Variants in TXNDC16 observed in about 807,000 individuals in gnomAD.
TXNDC16 encodes thioredoxin domain-containing protein 16.
Under a neutral mutation model 85.6 loss-of-function variants are expected in TXNDC16, and 74 were observed. The ratio of observed to expected loss-of-function variants is 0.86; its 90% confidence interval spans 0.72 to 1.05. The LOEUF is 1.05. Ranked by LOEUF, TXNDC16 falls within the 50% of genes least tolerant of loss-of-function variation. TXNDC16 has a pLI of 0.00. For synonymous variants in TXNDC16, 335 were observed against 326.5 expected (o/e 1.03, Z -0.28); for missense variants, 959 against 947.0 (o/e 1.01, Z -0.17).
intron 1 of TXNDC16, among the ~76,000 whole-genome samples, chr14:52,551,978 T>C (rs932044621): frequency 9.9e-5 from 15 of 152,172 alleles, no homozygotes; most frequent in African/African-American, 3.4e-4. Context: ...CGCTTCAACA[T>C]CCATCTGATA....
chr14:52,522,480 C>CT (rs760255744), intron 6 of TXNDC16, among the ~76,000 whole-genome samples: 17 of 152,232 alleles, frequency 1.1e-4, no homozygotes, highest in Admixed American at 3.3e-4. Flanking sequence ...CAAAGAATCA[C>CT]TTGCCTGAGA....
Position 52,439,221 on chromosome 14 carries a change from C to A in TXNDC16, c.2177G>T (p.Gly726Val), listed in dbSNP as rs767715971. 11 of 1,613,894 alleles carry A rather than the reference C, an allele frequency of 6.8e-6. No individual in the cohort carries two copies. In the South Asian group the frequency reaches 1.2e-4, roughly 18 times the overall value. The change falls in exon 20 of 21, where the codon GGA (glycine) becomes GTA (valine). Residue 726 changes from glycine to valine, a missense_variant. By Grantham distance (109) the Gly-to-Val change is moderately radical. Transcript: ENST00000281741. ...AAACTTACTGATATGATTTTCTAGT[C>A]CTGCTTCTAATTTCTTCAGCCACAA... ...LVLWLKKLEA[G>V]LENHITILPA...
chr14:52,513,174 A>T (rs2036996650), intron 8 of TXNDC16, among the ~76,000 whole-genome samples: 1 of 152,184 alleles, frequency 6.6e-6, no homozygotes, highest in African/African-American at 2.4e-5. Context: ...CTTAACAAAT[A>T]ATTTCAAACA....
chr14:52,452,687 G>C (rs2035439976), intron 18 of TXNDC16, among the ~76,000 whole-genome samples: 1 of 152,074 alleles, frequency 6.6e-6, no homozygotes, highest in African/African-American at 2.4e-5. Context: ...ATTCAAAATG[G>C]ATTCCAGACG....
chr14:52,525,685 G>C (rs1382178305), intron 6 of TXNDC16, among the ~76,000 whole-genome samples: 2 of 146,982 alleles, frequency 1.4e-5, no homozygotes, highest in Non-Finnish European at 1.5e-5. Context: ...GCGACAGAGT[G>C]AGACTCCATC....
intron 6 of TXNDC16, among the ~76,000 whole-genome samples, chr14:52,520,908 T>A (rs376301570): frequency 1.3e-5 from 2 of 152,182 alleles, no homozygotes; most frequent in African/African-American, 2.4e-5. Context: ...AACTTTTATA[T>A]CCTTTAAATT....
intron 12 of TXNDC16, among the ~76,000 whole-genome samples, chr14:52,486,937 G>C (rs1192903956): frequency 6.6e-6 from 1 of 151,794 alleles, no homozygotes; most frequent in Non-Finnish European, 1.5e-5. Flanking sequence ...CCCACAAATA[G>C]GTACAGTTAT....
chr14:52,471,793 T>C (rs1212265635), intron 14 of TXNDC16, among the ~76,000 whole-genome samples: 3 of 151,756 alleles, frequency 2.0e-5, no homozygotes, highest in Non-Finnish European at 4.4e-5. Flanking sequence ...AAACACACAG[T>C]AGAATCTCAA....
chr14:52,534,455 G>A (rs1426886181), intron 6 of TXNDC16, among the ~76,000 whole-genome samples: 2 of 152,064 alleles, frequency 1.3e-5, no homozygotes, highest in Non-Finnish European at 2.9e-5. Context: ...CTTTATGTGT[G>A]GACCAAGACA....
At chr14:52,449,914 C>T (rs374625041) in intron 18 of TXNDC16, among the ~76,000 whole-genome samples, 1 of 151,146 alleles carries the variant, frequency 6.6e-6, no homozygotes, top group East Asian at 1.9e-4. Context: ...AAAACCATAC[C>T]CAAACCCTTG....
At chr14:52,538,545 G>C (rs981291925) in intron 4 of TXNDC16, among the ~76,000 whole-genome samples, 39 of 152,094 alleles carry the variant, frequency 2.6e-4, no homozygotes, top group African/African-American at 9.4e-4. Flanking sequence ...AAGCCAAAAA[G>C]GACAGAAGAC....
chr14:52,505,450 C>G (rs1326687259), intron 9 of TXNDC16, among the ~76,000 whole-genome samples: 1 of 152,188 alleles, frequency 6.6e-6, no homozygotes, highest in Non-Finnish European at 1.5e-5. Context: ...ACTGAACAAC[C>G]TGCTGCTGAA....
At chr14:52,530,879 A>G (rs567081071) in intron 6 of TXNDC16, among the ~76,000 whole-genome samples, 2 of 151,848 alleles carry the variant, frequency 1.3e-5, no homozygotes, top group South Asian at 2.1e-4. Context: ...AAACACTACT[A>G]GAATCAAAAG....
chr14:52,503,067 C>T (rs2036700538), intron 9 of TXNDC16, among the ~76,000 whole-genome samples: 1 of 152,196 alleles, frequency 6.6e-6, no homozygotes, highest in South Asian at 2.1e-4. Context: ...AGTAGGTAAA[C>T]AAAGCAGATG....
chr14:52,501,874 T>C (rs997027233), intron 9 of TXNDC16, among the ~76,000 whole-genome samples: 1 of 152,146 alleles, frequency 6.6e-6, no homozygotes, highest in Non-Finnish European at 1.5e-5. Flanking sequence ...TTTAAAGAAA[T>C]AAAACATAAA....
At chr14:52,455,572 G>A in intron 17 of TXNDC16, 110 bp from the exon 18 acceptor site, 1 of 1,265,388 alleles carries the variant, frequency 7.9e-7, no homozygotes, top group African/African-American at 1.5e-5. Context: ...AATTCCTACT[G>A]CTAAGGAAAA....
At chr14:52,450,104 G>T (rs1440293280) in intron 18 of TXNDC16, among the ~76,000 whole-genome samples, 1 of 151,866 alleles carries the variant, frequency 6.6e-6, no homozygotes, top group African/African-American at 2.4e-5. Flanking sequence ...AGAAATAAAT[G>T]AAATTGAAAT....
chr14:52,491,345 CTT>C (rs11337974), intron 9 of TXNDC16, among the ~76,000 whole-genome samples: 85 of 107,498 alleles, frequency 7.9e-4, no homozygotes, highest in African/African-American at 2.6e-3. Flanking sequence ...CCATGCCTAG[CTT>C]TTTTTTTTTT....
intron 6 of TXNDC16, among the ~76,000 whole-genome samples, chr14:52,529,625 A>G (rs2037433959): frequency 3.9e-5 from 4 of 102,562 alleles, no homozygotes; most frequent in African/African-American, 1.7e-4. Flanking sequence ...TATTATATAT[A>G]TTATATATAA....
Sources: gnomAD v4.1 joint callset for allele counts (sites outside exome capture counted in the v4.1 genomes callset) on GRCh38, gnomAD v4.1.1 for gene constraint, MANE v1.5 for transcripts, NCBI Gene and HGNC (gene_info 2026-07-23, HGNC 2026-07-21) for gene names.